The following ARL9 variants were observed in gnomAD, a reference collection of about 807,000 sequenced individuals.
ARL9 encodes the protein ARF like GTPase 9.
Under a neutral mutation model 27.0 loss-of-function variants are expected in ARL9, and 14 were observed. The observed-to-expected ratio is 0.52, with a 90% CI of 0.34 to 0.81. The LOEUF (loss-of-function observed/expected upper bound fraction) is 0.81, where lower values mean the gene tolerates loss of function less well. Ranked by LOEUF, ARL9 falls within the 30% of genes least tolerant of loss-of-function variation. ARL9 has a pLI of 0.01. For missense variants in ARL9, 294 were observed against 290.0 expected, an observed-to-expected ratio of 1.01 and a Z score of -0.10; for synonymous variants, 106 against 108.7, an observed-to-expected ratio of 0.98 and a Z score of 0.15.
chr4:56,505,500 C>T (rs1560694159), upstream of ARL9: 1 of 480,406 alleles, frequency 2.1e-6, no homozygotes, highest in Non-Finnish European at 4.1e-6. Context: ...GCCACCCTGC[C>T]TGGCCCGAGG....
chr4:56,519,706 T>G (rs1270447072), intron 3 of ARL9, among the ~76,000 whole-genome samples: 1 of 152,238 alleles, frequency 6.6e-6, no homozygotes, highest in African/African-American at 2.4e-5. Context: ...TATGTTTGGC[T>G]GTTTTATGTT....
At chr4:56,508,637 TG>T (rs1229602096) in intron 1 of ARL9, among the ~76,000 whole-genome samples, 1 of 152,152 alleles carries the variant, frequency 6.6e-6, no homozygotes, top group Non-Finnish European at 1.5e-5. Flanking sequence ...CCGCCCTCCT[TG>T]GCCTCCCAAA....
chr4:56,508,513 AG>A (rs1439168106), intron 1 of ARL9, among the ~76,000 whole-genome samples: 1 of 151,918 alleles, frequency 6.6e-6, no homozygotes, highest in Non-Finnish European at 1.5e-5. Flanking sequence ...TAGCCTCCCC[AG>A]TAGCTGGGAT....
intron 2 of ARL9, among the ~76,000 whole-genome samples, chr4:56,515,047 G>A (rs111866576): frequency 0.015 from 2,336 of 152,204 alleles, 54 homozygotes; most frequent in African/African-American, 0.052. Context: ...AAAGTCAGGA[G>A]TTCAAGATCA....
intron 3 of ARL9, among the ~76,000 whole-genome samples, chr4:56,519,384 G>T (rs1014097182): frequency 1.3e-5 from 2 of 152,090 alleles, no homozygotes; most frequent in Admixed American, 1.3e-4. Context: ...GGGCAGGGGT[G>T]GGGGATCACG....
chr4:56,506,970 T>C (rs957693955), intron 1 of ARL9, among the ~76,000 whole-genome samples: 1 of 152,092 alleles, frequency 6.6e-6, no homozygotes, highest in African/African-American at 2.4e-5. Context: ...AATTTTTGTA[T>C]TTTTGTGCAG....
chr4:56,516,089 G>A (rs1721759015), intron 2 of ARL9, among the ~76,000 whole-genome samples: 1 of 152,110 alleles, frequency 6.6e-6, no homozygotes, highest in Non-Finnish European at 1.5e-5. Flanking sequence ...GTTGGCACAA[G>A]AATAAACAAA....
chr4:56,505,621 G>A, upstream of ARL9: 1 of 619,404 alleles, frequency 1.6e-6, no homozygotes, highest in South Asian at 1.9e-5. Flanking sequence ...CCATCCGTAC[G>A]CCTCCGCCCT....
In ARL9 at chr4:56,511,200, A is replaced by C; in HGVS notation, c.295A>C (p.Ile99Leu). 6.3e-7 allele frequency: 1 copy of C among 1,592,840 alleles called. No individual in the cohort carries two copies. The highest frequency in any genetic ancestry group is 1.1e-5 in the South Asian group (1 of 88,210). The change falls in exon 2 of 4, where the codon ATC (isoleucine) becomes CTC (leucine). Residue 99 changes from isoleucine (I) to leucine (L), a missense_variant. Physicochemically the swap from Ile to Leu is conservative, Grantham distance 5. Coordinates refer to ENST00000640821, the MANE Select transcript of ARL9 (RefSeq NM_001363794.2). ...TGTTTCACAGGAGAAAAACAAGCAA[A>C]TCCTAGTGCTGGGCCTGGATGGAGC... is the stretch of plus-strand genomic sequence containing the variant. ...PLEPLEKNKQ[I>L]LVLGLDGAGK...
chr4:56,524,195 A>G lies in ARL9; in HGVS notation c.*319A>G. The G allele has an allele frequency of 4.9e-6, 1 of 202,822 alleles. No homozygotes were observed. The highest frequency in any genetic ancestry group is 1.0e-5 in the Non-Finnish European group (1 of 100,428). 12.6% of individuals were successfully genotyped at this position (202,822 alleles called of 1,614,324 possible). A position where few individuals can be genotyped will look rare whatever the true frequency, so the allele number is the denominator to read the frequency against. The stretch of plus-strand genomic sequence containing the variant: ...ATTAGGTATTATAAGTAATCTAAAG[A>G]TGATTTAAAATACACGAGTAGAAGT... On this transcript the variant is annotated 3_prime_UTR_variant, in exon 4 of 4. Coordinates refer to ENST00000640821, the MANE Select transcript of ARL9 (RefSeq NM_001363794.2).
upstream of ARL9, chr4:56,505,710 G>A (rs1721435932): frequency 7.7e-7 from 1 of 1,299,918 alleles, no homozygotes; most frequent in African/African-American, 1.5e-5. Context: ...GGCGGTTGGC[G>A]GCGGTGCCGG....
intron 3 of ARL9, 80 bp from the exon 4 acceptor site, chr4:56,523,617 A>G (rs1721993993): frequency 2.5e-5 from 29 of 1,175,464 alleles, no homozygotes; most frequent in Non-Finnish European, 3.5e-5. Context: ...AGAGCAATAA[A>G]TAAGAGTAAT....
chr4:56,509,104 C>T (rs746065682), intron 1 of ARL9, among the ~76,000 whole-genome samples: 4 of 152,136 alleles, frequency 2.6e-5, no homozygotes, highest in African/African-American at 9.7e-5. Context: ...GCACCCTGTA[C>T]GATCTTCACA....
chr4:56,506,784 A>AG (rs1291332160), intron 1 of ARL9: 2 of 410,730 alleles, frequency 4.9e-6, no homozygotes, highest in African/African-American at 5.0e-5. Context: ...TGATTAACAC[A>AG]GTTGTGTGTG....
chr4:56,524,406 G>C lies in ARL9; in HGVS notation c.*530G>C, dbSNP rs1474733495. ...AAAAATATTTGTAAAACAGTGTATT[G>C]GGGGTATTGGGATTTTTAATCAACA... is the stretch of plus-strand genomic sequence containing the variant. On this transcript the variant is annotated 3_prime_UTR_variant, in exon 4 of 4. Transcript: ENST00000640821. 6.6e-6 allele frequency: 1 copy of C among 152,356 alleles called. No homozygotes were observed. Among genetic ancestry groups the C allele is most frequent in the African/African-American group, 2.4e-5 (1 of 41,456 alleles). The allele number at this position is 152,356 out of a possible 1,614,324, so 9.4% of individuals were successfully genotyped here.
rs979770554 is a variant in ARL9, at chr4:56,521,844, A to G, written c.619-1853A>G. 7.2e-5 allele frequency among the ~76,000 whole-genome samples: 11 copies of G among 152,192 alleles called. No individual in the cohort carries two copies. The East Asian group carries it at 1.9e-3, about 27-fold the overall frequency. ...TATTTCAGTTGTAGGAGTCTTTCAT[A>G]TCATTTGGAAAAAATAATTCTTTGT... On this transcript the variant is annotated intron_variant, in intron 3 of 3. Transcript: ENST00000640821.
rs191925134 is a variant in ARL9, at chr4:56,522,282, G to A, written c.619-1415G>A. 3.2e-3 allele frequency among the ~76,000 whole-genome samples: 491 copies of A among 152,122 alleles called. 4 individuals carry two copies. Among genetic ancestry groups the A allele is most frequent in the Middle Eastern group, 0.01 (3 of 294 alleles). On this transcript the variant is annotated intron_variant, in intron 3 of 3. Transcript: ENST00000640821. ...CTAAAAATAGAAAAATTAGCTGGGT[G>A]TGGTGGCGCACACCTGTAATCCCAG...
rs560271768 is a variant in ARL9 at position 56,506,802 on chromosome 4, G to A, written c.279+661G>A. 922 of 257,114 alleles carry A rather than the reference G, an allele frequency of 3.6e-3. 18 individuals carry two copies. Among genetic ancestry groups the A allele is most frequent in the African/African-American group, 0.015 (649 of 43,144 alleles). 15.9% of individuals were successfully genotyped at this position (257,114 alleles called of 1,614,324 possible). A position where few individuals can be genotyped will look rare whatever the true frequency, so the allele number is the denominator to read the frequency against. On this transcript the variant is annotated intron_variant, in intron 1 of 3. Transcript: ENST00000640821. ...TTAACACAGTTGTGTGTGTGTGTGT[G>A]TGTGTGTGTGTGTGTGTGTGTGTGT...
chr4:56,505,343 A>C (rs776707457), upstream of ARL9: 21 of 456,316 alleles, frequency 4.6e-5, no homozygotes, highest in South Asian at 7.7e-5. Flanking sequence ...CATGGTTGGG[A>C]GCTGAGGGAA....
Sources: gnomAD v4.1 joint callset for allele counts (sites outside exome capture counted in the v4.1 genomes callset) on GRCh38, gnomAD v4.1.1 for gene constraint, MANE v1.5 for transcripts, NCBI Gene and HGNC (gene_info 2026-07-23, HGNC 2026-07-21) for gene names.